The following NPAS3 variants were observed in gnomAD, a reference collection of about 807,000 sequenced individuals.
The protein encoded by NPAS3 is neuronal PAS domain-containing protein 3.
NPAS3 carries 14 observed loss-of-function variants against 73.1 expected under a neutral mutation model. The ratio of observed to expected loss-of-function variants is 0.19; its 90% CI spans 0.13 to 0.30. The LOEUF (loss-of-function observed/expected upper bound fraction) is 0.30, where lower values mean the gene tolerates loss of function less well. Ranked by LOEUF, NPAS3 falls within the 10% of genes least tolerant of loss-of-function variation. The pLI is 1.00. For missense variants in NPAS3, 1,096 were observed against 1,250.0 expected (o/e 0.88, Z 1.86); for synonymous variants, 620 against 541.5 (o/e 1.14, Z -2.01).
At chr14:33,609,286 G>A (rs192398938) in intron 5 of NPAS3, among the ~76,000 whole-genome samples, 1 of 152,306 alleles carries the variant, frequency 6.6e-6, no homozygotes, top group Non-Finnish European at 1.5e-5. Context: ...TTTTTGCGGA[G>A]GGGTGTTGCA....
chr14:33,347,417 A>C (rs1444581907), intron 3 of NPAS3, among the ~76,000 whole-genome samples: 1 of 152,264 alleles, frequency 6.6e-6, no homozygotes, highest in Non-Finnish European at 1.5e-5. Context: ...CACACAAGAA[A>C]ATTATGAACA....
intron 5 of NPAS3, among the ~76,000 whole-genome samples, chr14:33,595,355 AAAGCAG>A (rs2057203027): frequency 6.6e-6 from 1 of 152,192 alleles, no homozygotes; most frequent in Non-Finnish European, 1.5e-5. Flanking sequence ...GTGTTTGAGA[AAAGCAG>A]ATTAGGTAAA....
At chr14:33,766,715 TACCATCC>T (rs1325464067) in intron 7 of NPAS3, among the ~76,000 whole-genome samples, 1 of 152,176 alleles carries the variant, frequency 6.6e-6, no homozygotes, top group Non-Finnish European at 1.5e-5. Flanking sequence ...AAAAGACCCC[TACCATCC>T]ACTTACTTCC....
chr14:33,287,283 C>T (rs1048214668), intron 3 of NPAS3, among the ~76,000 whole-genome samples: 14 of 152,040 alleles, frequency 9.2e-5, no homozygotes, highest in African/African-American at 3.4e-4. Flanking sequence ...GTAGATTGCA[C>T]TAAGAATTTT....
At chr14:33,597,664 G>A (rs147357679) in intron 5 of NPAS3, among the ~76,000 whole-genome samples, 8 of 152,334 alleles carry the variant, frequency 5.3e-5, no homozygotes, top group South Asian at 2.1e-4. Flanking sequence ...GCAGTTACTC[G>A]AGAGTGGGAA....
intron 5 of NPAS3, among the ~76,000 whole-genome samples, chr14:33,582,986 T>C (rs2056731928): frequency 6.8e-6 from 1 of 147,514 alleles, no homozygotes; most frequent in South Asian, 2.1e-4. Context: ...TTTTTTTTTT[T>C]GGCTACTGGT....
At chr14:33,542,412 G>A (rs2054563648) in intron 4 of NPAS3, among the ~76,000 whole-genome samples, 1 of 152,122 alleles carries the variant, frequency 6.6e-6, no homozygotes, top group South Asian at 2.1e-4. Flanking sequence ...AAACAGAGAG[G>A]TGGCTGCTGG....
chr14:33,183,270 A>G (rs1190076141), intron 2 of NPAS3, among the ~76,000 whole-genome samples: 1 of 152,002 alleles, frequency 6.6e-6, no homozygotes, highest in African/African-American at 2.4e-5. Context: ...TACGAAAAAT[A>G]GAAAAATTAA....
intron 3 of NPAS3, among the ~76,000 whole-genome samples, chr14:33,354,065 A>G (rs1020655077): frequency 1.4e-4 from 22 of 152,166 alleles, no homozygotes; most frequent in Non-Finnish European, 1.5e-5. Context: ...TCTCAGCTTT[A>G]TCTAAACTCC....
At chr14:33,185,015 GTGAA>G (rs543234597) in intron 2 of NPAS3, among the ~76,000 whole-genome samples, 3 of 152,118 alleles carry the variant, frequency 2.0e-5, no homozygotes, top group African/African-American at 7.2e-5. Flanking sequence ...AACTCTTTCA[GTGAA>G]TGAATGAATG....
At chr14:33,692,775 T>C (rs1185479198) in intron 6 of NPAS3, among the ~76,000 whole-genome samples, 2 of 148,190 alleles carry the variant, frequency 1.3e-5, no homozygotes, top group Non-Finnish European at 3.0e-5. Context: ...CAGTTTTTGG[T>C]GAGCTTTGGG....
intron 5 of NPAS3, among the ~76,000 whole-genome samples, chr14:33,646,696 T>C (rs2058838422): frequency 6.6e-6 from 1 of 152,242 alleles, no homozygotes; most frequent in Admixed American, 6.5e-5. Context: ...TCTTACCAGA[T>C]GTCTCCTGGA....
chr14:33,485,720 A>G (rs1158160922), intron 4 of NPAS3, among the ~76,000 whole-genome samples: 2 of 152,222 alleles, frequency 1.3e-5, no homozygotes, highest in East Asian at 3.8e-4. Flanking sequence ...GGAAAACTAC[A>G]GAATGTCAGC....
intron 2 of NPAS3, among the ~76,000 whole-genome samples, chr14:33,123,623 T>C (rs1212530628): frequency 1.3e-5 from 2 of 152,008 alleles, no homozygotes; most frequent in Admixed American, 1.3e-4. Context: ...AGCAGAGTTA[T>C]ATGTAATTTC....
chr14:33,455,485 C>T (rs2049985156), intron 4 of NPAS3, among the ~76,000 whole-genome samples: 2 of 152,134 alleles, frequency 1.3e-5, no homozygotes, highest in Non-Finnish European at 2.9e-5. Flanking sequence ...AGTTCAGTTC[C>T]CTTGTAAAAC....
intron 3 of NPAS3, among the ~76,000 whole-genome samples, chr14:33,267,876 G>C (rs372595390): frequency 3.3e-5 from 5 of 152,242 alleles, no homozygotes; most frequent in African/African-American, 1.2e-4. Context: ...TGGCCACTCT[G>C]CTCCTACATA....
intron 3 of NPAS3, among the ~76,000 whole-genome samples, chr14:33,266,950 T>G (rs796384735): frequency 3.9e-5 from 6 of 152,292 alleles, no homozygotes; most frequent in African/African-American, 1.4e-4. Flanking sequence ...TCATTTTCTA[T>G]CCAAAAGAGA....
At chr14:33,329,229 AC>A (rs2043865216) in intron 3 of NPAS3, among the ~76,000 whole-genome samples, 1 of 151,842 alleles carries the variant, frequency 6.6e-6, no homozygotes, top group African/African-American at 2.4e-5. Context: ...CCCCAGCCCC[AC>A]CCCACCTGCC....
Position 33,443,453 on chromosome 14 carries a change from C to G in NPAS3, c.468+76185C>G, listed in dbSNP as rs150343978. 4.9e-3 allele frequency among the ~76,000 whole-genome samples: 750 copies of G among 152,200 alleles called. 29 individuals are homozygous for G. The highest frequency in any genetic ancestry group is 0.044 in the Admixed American group (677 of 15,280). The stretch of plus-strand genomic sequence containing the variant: ...TTAGTTTAGCTGGTAACTACTGTCC[C>G]CAGCAGCTGAGAGGCTCAAACAAAA... On this transcript the variant is annotated intron_variant, in intron 4 of 11. Coordinates refer to ENST00000356141, the Ensembl canonical transcript of NPAS3.
Sources: allele counts gnomAD v4.1 joint callset (sites outside exome capture counted in the v4.1 genomes callset), GRCh38; gene constraint gnomAD v4.1.1; transcripts MANE v1.5; gene names NCBI Gene and HGNC (gene_info 2026-07-23, HGNC 2026-07-21).